Variants in PEX2 observed in about 807,000 individuals in gnomAD.
PEX2 encodes the protein peroxisomal biogenesis factor 2.
In PEX2, 19 loss-of-function variants were observed where a neutral mutation model predicts 25.2. That is an observed-to-expected ratio of 0.75 (90% confidence interval 0.53 to 1.10). The LOEUF (loss-of-function observed/expected upper bound fraction) is 1.10. Ranked by LOEUF, PEX2 falls within the 50% of genes least tolerant of loss-of-function variation. The pLI, the probability that PEX2 is intolerant of heterozygous loss-of-function variation, is 0.00. For synonymous variants in PEX2, 141 were observed against 127.7 expected, an observed-to-expected ratio of 1.10 and a Z score of -0.70; for missense variants, 347 against 350.6, an observed-to-expected ratio of 0.99 and a Z score of 0.08.
chr8:76,988,010 A>C (rs998834172), intron 2 of PEX2: 6 of 152,234 alleles, frequency 3.9e-5, no homozygotes, highest in African/African-American at 1.4e-4. Flanking sequence ...AAACTAATCT[A>C]TTTTAAATCT....
rs1807164318 is a variant in PEX2, at chr8:76,991,342, CT to C, written c.-159-3005del. Among the ~76,000 whole-genome samples the C allele has an allele frequency of 1.3e-5, 2 of 152,132 alleles. 1 individual carries two copies. Among genetic ancestry groups the C allele is most frequent in the South Asian group, 4.1e-4 (2 of 4,824 alleles). On this transcript the variant is annotated intron_variant, in intron 1 of 3. Transcript: ENST00000357039. ...ATTATCAAAAAATTCTTTCTTATCC[CT>C]TCTGTTACAGTTTAACATTTTTTTC...
chr8:76,990,253 T>C (rs1807128100), intron 1 of PEX2, among the ~76,000 whole-genome samples: 1 of 149,340 alleles, frequency 6.7e-6, no homozygotes, highest in African/African-American at 2.4e-5. Flanking sequence ...AGGCTTTGGC[T>C]TAAAGGAATT....
At chr8:76,998,589 C>T (rs1024291438) in intron 1 of PEX2, among the ~76,000 whole-genome samples, 4 of 151,966 alleles carry the variant, frequency 2.6e-5, no homozygotes, top group Admixed American at 1.3e-4. Context: ...TCCCAAAAAC[C>T]AGAATTTTAA....
intron 2 of PEX2, chr8:76,987,838 C>A (rs1186385231): frequency 6.6e-6 from 1 of 152,072 alleles, no homozygotes; most frequent in Non-Finnish European, 1.5e-5. Flanking sequence ...ACAAGAAATA[C>A]ACGAGGCAAT....
rs926710193 is a variant in PEX2, at chr8:76,981,465, C to T, written c.*1796G>A. On this transcript the variant is annotated 3_prime_UTR_variant, in exon 4 of 4. Coordinates refer to ENST00000357039, the MANE Select transcript of PEX2 (RefSeq NM_000318.3). ...GTGACTGGGTGAGGCCCTTTCTCAC[C>T]AAAAACAAACAAACAAACAAAAAAC... 2.0e-5 allele frequency: 3 copies of T among 151,872 alleles called. No homozygotes were observed. Among genetic ancestry groups the T allele is most frequent in the Non-Finnish European group, 4.4e-5 (3 of 68,000 alleles). 9.4% of individuals were successfully genotyped at this position (151,872 alleles called of 1,614,324 possible). A position where few individuals can be genotyped will look rare whatever the true frequency, so the allele number is the denominator to read the frequency against.
Position 76,992,185 on chromosome 8 carries a change from T to C in PEX2, c.-159-3847A>G, listed in dbSNP as rs1321193407. On this transcript the variant is annotated intron_variant, in intron 1 of 3. Coordinates refer to ENST00000357039, the MANE Select transcript of PEX2 (RefSeq NM_000318.3). ...TTAACTTGCACCTTGTCTGAAAGGA[T>C]ATGACACAGTGTGGATAGAGAAAAG... is the stretch of plus-strand genomic sequence containing the variant. 2.6e-5 allele frequency among the ~76,000 whole-genome samples: 4 copies of C among 152,184 alleles called. No individual in the cohort carries two copies. In the East Asian group the frequency reaches 7.7e-4, roughly 29 times the overall value.
chr8:76,988,805 A>T (rs1807078718), intron 1 of PEX2, among the ~76,000 whole-genome samples: 1 of 152,124 alleles, frequency 6.6e-6, no homozygotes. Context: ...AGTTTATGGG[A>T]TATTCTAAAT....
At chr8:76,984,803 G>A (rs908799248) in intron 3 of PEX2, among the ~76,000 whole-genome samples, 1 of 151,986 alleles carries the variant, frequency 6.6e-6, no homozygotes, top group Non-Finnish European at 1.5e-5. Flanking sequence ...ATTCTATCAC[G>A]CTATTGCCGA....
chr8:76,988,225 C>A (rs1012978776), intron 2 of PEX2, 82 bp downstream of exon 2: 11 of 152,238 alleles, frequency 7.2e-5, no homozygotes, highest in African/African-American at 2.7e-4. Flanking sequence ...TTCACCATCA[C>A]AGTCCTGTGG....
In PEX2 at chr8:76,983,155, G is replaced by A. The variant is rs1586068801; in HGVS notation, c.*106C>T. ...CCTGGAAAGGAGAAGACAGTGGCTAGGAGCACATTCCTTATAAAGGATACA... is the reference window on the plus strand; with the variant it reads ...CCTGGAAAGGAGAAGACAGTGGCTAAGAGCACATTCCTTATAAAGGATACA... On this transcript the variant is annotated 3_prime_UTR_variant, in exon 4 of 4. Transcript: ENST00000357039. 3.7e-5 allele frequency: 59 copies of A among 1,586,808 alleles called. No individual in the cohort carries two copies. The highest frequency in any genetic ancestry group is 1.3e-5 in the African/African-American group (1 of 74,730).
At chr8:77,000,255 G>T, upstream of PEX2, 1 of 305,506 alleles carries the variant, frequency 3.3e-6, no homozygotes, top group Non-Finnish European at 6.4e-6. Flanking sequence ...CCGAAAAGCC[G>T]AAGCGGACAC....
rs746223756 is a variant in PEX2, at chr8:76,984,092, C to T, written c.87G>A (p.Leu29=). 6 of 1,612,822 alleles carry T rather than the reference C, an allele frequency of 3.7e-6. No individual in the cohort carries two copies. Among genetic ancestry groups the T allele is most frequent in the Non-Finnish European group, 1.7e-6 (2 of 1,179,432 alleles). ...QLDALELNKA[L]EQLVWSQFTQ... Reference sequence around the variant, plus strand: ...TAAACTGGGACCAAACTAGCTGCTCCAGGGCCTTGTTTAGTTCAAGTGCAT... The same window carrying T: ...TAAACTGGGACCAAACTAGCTGCTCTAGGGCCTTGTTTAGTTCAAGTGCAT... The change falls in exon 4 of 4, where the codon CTG becomes CTA. Residue 29 remains leucine (L), a synonymous_variant. Transcript: ENST00000357039.
chr8:76,989,351 A>C (rs1370544599), intron 1 of PEX2, among the ~76,000 whole-genome samples: 1 of 152,142 alleles, frequency 6.6e-6, no homozygotes, highest in East Asian at 1.9e-4. Flanking sequence ...AGTCATCCAC[A>C]ATGGTTAGAA....
intron 1 of PEX2, among the ~76,000 whole-genome samples, chr8:76,996,372 C>A (rs1476864591): frequency 2.0e-5 from 3 of 152,126 alleles, no homozygotes; most frequent in Non-Finnish European, 4.4e-5. Flanking sequence ...GGGGGCAGAA[C>A]CAGCTCTAAA....
At chr8:76,999,567 A>AT (rs1480621047) in intron 1 of PEX2, among the ~76,000 whole-genome samples, 2 of 152,342 alleles carry the variant, frequency 1.3e-5, no homozygotes, top group Admixed American at 6.5e-5. Context: ...AAGCACTCAA[A>AT]TTTTTTGTAC....
At position 76,988,320 on chromosome 8, in the gene PEX2, C is replaced by A. The variant is rs1233974642; in HGVS notation, c.-141G>T. ...AAACAGGCATACCTCAGAGACACTG[C>A]AGGTTAGGTTCCAGACCACTGCAAT... On this transcript the variant is annotated 5_prime_UTR_variant, in exon 2 of 4. Transcript: ENST00000357039. 6.6e-6 allele frequency: 1 copy of A among 152,250 alleles called. No individual in the cohort carries two copies. The highest frequency in any genetic ancestry group is 2.4e-5 in the African/African-American group (1 of 41,416). 9.4% of individuals were successfully genotyped at this position (152,250 alleles called of 1,614,324 possible). A position where few individuals can be genotyped will look rare whatever the true frequency, so the allele number is the denominator to read the frequency against.
At chr8:76,999,361 TAAAC>T (rs749627907) in intron 1 of PEX2, among the ~76,000 whole-genome samples, 10 of 151,654 alleles carry the variant, frequency 6.6e-5, no homozygotes, top group African/African-American at 1.2e-4. Flanking sequence ...CCTCAATAAA[TAAAC>T]AAACAACGAT....
At chr8:76,999,924 C>CT (rs1197699994) in intron 1 of PEX2, 66 bp downstream of exon 1, 2 of 456,644 alleles carry the variant, frequency 4.4e-6, no homozygotes, top group South Asian at 3.1e-5. Flanking sequence ...TCGTGAAACT[C>CT]CACGACCTCC....
Position 76,982,438 on chromosome 8 carries a change from A to C in PEX2, c.*823T>G, listed in dbSNP as rs949820648. On this transcript the variant is annotated 3_prime_UTR_variant, in exon 4 of 4. Coordinates refer to ENST00000357039, the MANE Select transcript of PEX2 (RefSeq NM_000318.3). ...TGCCTTAAGTAATTTTTACTTTCTG[A>C]ATATAAAGCCAACTGTGGAGGGGTC... 6.6e-6 allele frequency: 1 copy of C among 152,220 alleles called. No homozygotes were observed. Among genetic ancestry groups the C allele is most frequent in the Non-Finnish European group, 1.5e-5 (1 of 68,062 alleles). The allele number at this position is 152,220 out of a possible 1,614,324, so 9.4% of individuals were successfully genotyped here.
Sources: gnomAD v4.1 joint callset for allele counts (sites outside exome capture counted in the v4.1 genomes callset) on GRCh38, gnomAD v4.1.1 for gene constraint, MANE v1.5 for transcripts, NCBI Gene and HGNC (gene_info 2026-07-23, HGNC 2026-07-21) for gene names.